CC2D2A: variants seen among roughly 807,000 people sequenced by gnomAD.
CC2D2A encodes the protein coiled-coil and C2 domain-containing protein 2A.
CC2D2A carries 155 observed loss-of-function variants against 212.9 expected under a neutral mutation model. That is an observed-to-expected ratio of 0.73 (90% CI 0.64 to 0.83). The LOEUF (loss-of-function observed/expected upper bound fraction) is 0.83, where lower values mean the gene tolerates loss of function less well. Ranked by LOEUF, CC2D2A falls within the 40% of genes least tolerant of loss-of-function variation. The pLI, the probability that CC2D2A is intolerant of heterozygous loss-of-function variation, is 0.00. For synonymous variants in CC2D2A, 667 were observed against 686.5 expected, an observed-to-expected ratio of 0.97 and a Z score of 0.44; for missense variants, 1,856 against 1,956.2, an observed-to-expected ratio of 0.95 and a Z score of 0.97.
Position 15,538,128 on chromosome 4 carries a change from A to G in CC2D2A, c.1994A>G (p.Gln665Arg), listed in dbSNP as rs1718235188. ...GCAGGAAGCGTAACACCCAATGACC[A>G]GTGCCCCAGGTGAGTGGATGCTCCG... ...SLAGSVTPND[Q>R]CPRAEVSRRE... Residue 665 changes from glutamine to arginine, a missense_variant, in exon 16 of 37, where the codon CAG becomes CGG. This residue lies in a region of CC2D2A where 1,512 missense variants were observed against 1,579.3 expected (regional missense o/e 0.96). Coordinates refer to ENST00000424120, the MANE Select transcript of CC2D2A (RefSeq NM_001378615.1). 6 of 1,577,922 alleles carry G rather than the reference A, an allele frequency of 3.8e-6. No individual in the cohort carries two copies. In the Admixed American group the frequency reaches 1.1e-4, roughly 29 times the overall value.
chr4:15,512,948 T>C (rs1716654066), intron 8 of CC2D2A, among the ~76,000 whole-genome samples: 1 of 123,970 alleles, frequency 8.1e-6, no homozygotes, highest in Non-Finnish European at 1.6e-5. Context: ...CAAGACTCTG[T>C]CTCAAAAAAA....
chr4:15,559,131 G>A (rs753811685), intron 21 of CC2D2A, 34 bp from the exon 22 acceptor site: 7 of 1,253,244 alleles, frequency 5.6e-6, no homozygotes, highest in South Asian at 5.5e-5. Flanking sequence ...GCACCAGAGA[G>A]TGCTTTAAAA....
intron 2 of CC2D2A, among the ~76,000 whole-genome samples, chr4:15,476,378 T>G (rs929674665): frequency 1.3e-5 from 2 of 152,234 alleles, no homozygotes; most frequent in Admixed American, 6.5e-5. Context: ...ACTTCTAAAT[T>G]AGGCTTTCAT....
chr4:15,579,531 C>A (rs1720561452), intron 29 of CC2D2A, among the ~76,000 whole-genome samples: 2 of 152,090 alleles, frequency 1.3e-5, no homozygotes, highest in African/African-American at 4.8e-5. Context: ...AAATTTGCTG[C>A]CCATTTAACA....
intron 33 of CC2D2A, among the ~76,000 whole-genome samples, chr4:15,593,592 T>C (rs1353815971): frequency 6.6e-6 from 1 of 152,220 alleles, no homozygotes; most frequent in Non-Finnish European, 1.5e-5. Context: ...AAACTTAAGA[T>C]GCCCAAACTC....
chr4:15,556,491 C>T (rs1037700658), intron 20 of CC2D2A, among the ~76,000 whole-genome samples: 2 of 152,098 alleles, frequency 1.3e-5, no homozygotes, highest in African/African-American at 4.8e-5. Context: ...TCAATAGACA[C>T]GTCACTTTCA....
chr4:15,527,385 G>A lies in CC2D2A; in HGVS notation c.1150-62G>A, dbSNP rs1717563071. On this transcript the variant is annotated intron_variant, in intron 11 of 36. Transcript: ENST00000424120. ...CTGACCGTTTTCCCATTGTGGATTA[G>A]AGAATCATTATCTAGTAAGTGCTTT... 3 of 1,252,616 alleles carry A rather than the reference G, an allele frequency of 2.4e-6. No homozygotes were observed. The East Asian group carries it at 7.3e-5, about 30-fold the overall frequency. 77.6% of individuals were successfully genotyped at this position (1,252,616 alleles called of 1,614,324 possible).
At chr4:15,518,879 A>T (rs1717037314) in intron 11 of CC2D2A, among the ~76,000 whole-genome samples, 1 of 152,166 alleles carries the variant, frequency 6.6e-6, no homozygotes, top group Non-Finnish European at 1.5e-5. Context: ...GGCCTAAGAA[A>T]ACATTTTTTT....
chr4:15,512,430 A>G (rs1716619292), intron 8 of CC2D2A, among the ~76,000 whole-genome samples: 1 of 152,228 alleles, frequency 6.6e-6, no homozygotes, highest in African/African-American at 2.4e-5. Flanking sequence ...AAGACATTAC[A>G]CTAAGAAAAA....
At chr4:15,476,019 G>A (rs1464062619) in intron 2 of CC2D2A, 48 bp downstream of exon 2, 15 of 1,518,546 alleles carry the variant, frequency 9.9e-6, no homozygotes, top group Non-Finnish European at 1.3e-5. Flanking sequence ...GTGTGTGCAT[G>A]CTTATGTTAC....
chr4:15,561,175 T>G (rs568782342), intron 23 of CC2D2A, among the ~76,000 whole-genome samples: 41 of 152,332 alleles, frequency 2.7e-4, no homozygotes, highest in African/African-American at 8.4e-4. Context: ...ATTTGCTTGA[T>G]TGACTCATTA....
At chr4:15,561,376 A>G (rs1001627330) in intron 23 of CC2D2A, among the ~76,000 whole-genome samples, 1 of 152,176 alleles carries the variant, frequency 6.6e-6, no homozygotes, top group African/African-American at 2.4e-5. Flanking sequence ...GACAAAAAAA[A>G]TGTGCAATCC....
Position 15,515,966 on chromosome 4 carries a change from C to T in CC2D2A, c.979C>T (p.Gln327Ter). 1 of 1,585,698 alleles carries T rather than the reference C, an allele frequency of 6.3e-7. No individual in the cohort carries two copies. The change falls in exon 10 of 37, where the codon CAG (glutamine) becomes TAG (stop). Residue 327 changes from glutamine (Q) to a stop codon, truncating the protein, a stop_gained. Coordinates refer to ENST00000424120, the MANE Select transcript of CC2D2A (RefSeq NM_001378615.1). LOFTEE classifies it high-confidence loss of function. ...GVRPEVARTN[Q>*]NIMENRLLMQ... ...AAGACCAGAGGTGGCACGCACCAAT[C>T]AGAACATCATGGAGAACAGATTGCT...
chr4:15,564,740 C>A lies in CC2D2A; in HGVS notation c.3182+1218C>A, dbSNP rs144203590. Among the ~76,000 whole-genome samples, 714 of 152,226 alleles carry A rather than the reference C, an allele frequency of 4.7e-3. 4 individuals carry two copies. Among genetic ancestry groups the A allele is most frequent in the African/African-American group, 0.016 (665 of 41,554 alleles). ...GTTGCCCAGGCTGAGTACAGTGGTG[C>A]TATCACAGCTCACTGCAACCTCGAC... On this transcript the variant is annotated intron_variant, in intron 24 of 36. Coordinates refer to ENST00000424120, the MANE Select transcript of CC2D2A (RefSeq NM_001378615.1).
chr4:15,587,540 A>G (rs188209803), intron 31 of CC2D2A, among the ~76,000 whole-genome samples: 1 of 152,376 alleles, frequency 6.6e-6, no homozygotes, highest in East Asian at 1.9e-4. Context: ...TTAAAAATAA[A>G]AACGAAACTT....
chr4:15,586,108 T>C, intron 30 of CC2D2A, 49 bp from the exon 31 acceptor site: 1 of 1,305,572 alleles, frequency 7.7e-7, no homozygotes, highest in Non-Finnish European at 1.1e-6. Flanking sequence ...GGATGCAGCA[T>C]TCTGTTTTAT....
intron 4 of CC2D2A, chr4:15,481,246 C>A (rs779151956): frequency 2.2e-6 from 1 of 454,634 alleles, no homozygotes; most frequent in African/African-American, 2.0e-5. Context: ...CGGTGACTCA[C>A]GTCTGTAATC....
In CC2D2A at chr4:15,574,204, G is replaced by A; in HGVS notation, c.3649G>A (p.Glu1217Lys). 1.3e-6 allele frequency: 2 copies of A among 1,551,444 alleles called. No individual in the cohort carries two copies. Among genetic ancestry groups the A allele is most frequent in the Non-Finnish European group, 1.7e-6 (2 of 1,146,816 alleles). Residue 1217 changes from glutamate to lysine, a missense_variant, in exon 29 of 37, where the codon GAG becomes AAG. Physicochemically the swap from Glu to Lys is moderately conservative, Grantham distance 56. Around this residue, in one of 5 missense-constraint regions of CC2D2A, gnomAD observed 1,512 missense variants for 1,579.3 expected, o/e 0.96. Coordinates refer to ENST00000424120, the MANE Select transcript of CC2D2A (RefSeq NM_001378615.1). ...IPPVLLGYSK[E>K]RNMILERGFD... ...CCCAGTTCTTCTGGGCTACAGTAAG[G>A]AGCGAAATATGATTCTTGAGCGGGG...
intron 23 of CC2D2A, among the ~76,000 whole-genome samples, chr4:15,563,146 T>A (rs908075824): frequency 6.6e-6 from 1 of 152,228 alleles, no homozygotes; most frequent in Admixed American, 6.5e-5. Context: ...CTTCCTTGGA[T>A]AAGCAGCAGC....
Sources: allele counts gnomAD v4.1 joint callset (sites outside exome capture counted in the v4.1 genomes callset), GRCh38; gene constraint gnomAD v4.1.1; regional missense constraint gnomAD v4.1.1; transcripts MANE v1.5; gene names NCBI Gene and HGNC (gene_info 2026-07-23, HGNC 2026-07-21).